Variants in LRRC4C observed in about 807,000 individuals in gnomAD.
LRRC4C encodes the protein leucine-rich repeat-containing protein 4C.
LRRC4C carries 5 observed loss-of-function variants against 33.6 expected under a neutral mutation model. The ratio of observed to expected loss-of-function variants is 0.15; its 90% confidence interval spans 0.08 to 0.31. LRRC4C has a LOEUF of 0.31. LRRC4C is among the 10% of genes least tolerant of loss of function. The probability of loss-of-function intolerance (pLI) is 1.00; values close to 1 mark genes in which losing one functional copy is unlikely to be tolerated. For synonymous variants in LRRC4C, 329 were observed against 302.0 expected, an observed-to-expected ratio of 1.09 and a Z score of -0.93; for missense variants, 560 against 796.7, an observed-to-expected ratio of 0.70 and a Z score of 3.58.
intron 1 of LRRC4C, among the ~76,000 whole-genome samples, chr11:41,374,338 A>G (rs1952860935): frequency 6.6e-6 from 1 of 152,218 alleles, no homozygotes; most frequent in Non-Finnish European, 1.5e-5. Context: ...GTGAGGATAC[A>G]TTGATTTTAT....
chr11:41,454,409 G>A (rs1431367215), intron 1 of LRRC4C, among the ~76,000 whole-genome samples: 6 of 152,104 alleles, frequency 3.9e-5, no homozygotes, highest in Non-Finnish European at 1.5e-5. Flanking sequence ...AGGAATTGCA[G>A]CAAATAGCTA....
intron 2 of LRRC4C, among the ~76,000 whole-genome samples, chr11:40,722,607 C>T (rs961758340): frequency 1.3e-5 from 2 of 152,198 alleles, no homozygotes; most frequent in African/African-American, 4.8e-5. Context: ...AGAGCCCCTT[C>T]TGACTGACAA....
chr11:41,020,637 A>T (rs778631129), intron 1 of LRRC4C, among the ~76,000 whole-genome samples: 5 of 152,120 alleles, frequency 3.3e-5, no homozygotes, highest in African/African-American at 4.8e-5. Context: ...ACCCGCCAAC[A>T]CCGTAATTTC....
intron 2 of LRRC4C, among the ~76,000 whole-genome samples, chr11:40,760,962 C>T (rs1394321976): frequency 6.6e-6 from 1 of 150,396 alleles, no homozygotes; most frequent in African/African-American, 2.4e-5. Context: ...CCAAGCAATC[C>T]ACCCATCTTG....
intron 2 of LRRC4C, among the ~76,000 whole-genome samples, chr11:40,861,897 T>C (rs1437165966): frequency 6.6e-6 from 1 of 152,094 alleles, no homozygotes; most frequent in African/African-American, 2.4e-5. Context: ...TCAGCGTAAC[T>C]CATTACAATG....
intron 2 of LRRC4C, among the ~76,000 whole-genome samples, chr11:40,809,686 G>C (rs1187774912): frequency 6.6e-6 from 1 of 152,098 alleles, no homozygotes; most frequent in African/African-American, 2.4e-5. Context: ...TTGACATGTT[G>C]CACGTGCTCA....
At chr11:41,435,680 A>G (rs777134945) in intron 1 of LRRC4C, among the ~76,000 whole-genome samples, 1 of 152,138 alleles carries the variant, frequency 6.6e-6, no homozygotes, top group South Asian at 2.1e-4. Context: ...GTCAATAAAT[A>G]TTTTTCCATT....
chr11:41,389,679 G>A (rs376010444), intron 1 of LRRC4C, among the ~76,000 whole-genome samples: 16 of 89,940 alleles, frequency 1.8e-4, no homozygotes, highest in East Asian at 1.6e-3. Flanking sequence ...CTTGAAAAGA[G>A]GTGCTTCTAC....
chr11:40,830,261 A>G (rs1452763699), intron 2 of LRRC4C, among the ~76,000 whole-genome samples: 1 of 152,152 alleles, frequency 6.6e-6, no homozygotes, highest in Non-Finnish European at 1.5e-5. Context: ...GAGGCAGTTA[A>G]CTACAGTTCT....
chr11:40,844,830 GAGA>G (rs1201973741), intron 2 of LRRC4C, among the ~76,000 whole-genome samples: 3 of 152,144 alleles, frequency 2.0e-5, no homozygotes, highest in Admixed American at 2.0e-4. Context: ...ATTGCTAAGA[GAGA>G]AGATTTTAAG....
At chr11:41,104,196 CTT>C (rs1489041907) in intron 1 of LRRC4C, among the ~76,000 whole-genome samples, 1 of 151,802 alleles carries the variant, frequency 6.6e-6, no homozygotes, top group African/African-American at 2.4e-5. Context: ...TATATACAAA[CTT>C]ATATCCAATA....
At chr11:40,960,462 G>A (rs1850898827) in intron 1 of LRRC4C, among the ~76,000 whole-genome samples, 1 of 151,682 alleles carries the variant, frequency 6.6e-6, no homozygotes, top group South Asian at 2.1e-4. Context: ...TATGATTACT[G>A]TTTAACTCTA....
At chr11:40,472,105 G>T (rs1466816831) in intron 3 of LRRC4C, among the ~76,000 whole-genome samples, 1 of 145,732 alleles carries the variant, frequency 6.9e-6, no homozygotes, top group Non-Finnish European at 1.5e-5. Flanking sequence ...GTGAAACCCT[G>T]TCTCTACTAA....
At position 40,125,123 on chromosome 11, in the gene LRRC4C, C is replaced by T. The variant is rs556089515; in HGVS notation, c.-42-8789G>A. On this transcript the variant is annotated intron_variant, in intron 6 of 6. Coordinates refer to ENST00000528697, the MANE Select transcript of LRRC4C (RefSeq NM_001258419.2). The stretch of plus-strand genomic sequence containing the variant: ...TAAGCAAAGATTGATAGTACCATTC[C>T]TGCTTTCAGAGACTAATGAGGTCTG... Among the ~76,000 whole-genome samples, 3 of 152,232 alleles carry T rather than the reference C, an allele frequency of 2.0e-5. No homozygotes were observed. The East Asian group carries it at 5.8e-4, about 29-fold the overall frequency.
At chr11:40,991,101 G>A (rs1173199821) in intron 1 of LRRC4C, among the ~76,000 whole-genome samples, 8 of 145,694 alleles carry the variant, frequency 5.5e-5, no homozygotes, top group Admixed American at 4.1e-4. Context: ...AAAGAAAATG[G>A]ACATTATTTA....
chr11:41,274,144 C>T (rs963694766), intron 1 of LRRC4C, among the ~76,000 whole-genome samples: 5 of 151,826 alleles, frequency 3.3e-5, no homozygotes, highest in Non-Finnish European at 5.9e-5. Context: ...AAGTGAGAGG[C>T]AGAAAAGAGA....
intron 5 of LRRC4C, among the ~76,000 whole-genome samples, chr11:40,233,647 A>G (rs1865358178): frequency 6.6e-6 from 1 of 152,226 alleles, no homozygotes; most frequent in Admixed American, 6.5e-5. Context: ...TTCCTATATC[A>G]TAGTCTAGTA....
chr11:40,739,360 T>G (rs1209634285), intron 2 of LRRC4C, among the ~76,000 whole-genome samples: 5 of 151,936 alleles, frequency 3.3e-5, no homozygotes, highest in African/African-American at 1.2e-4. Flanking sequence ...TCCTTCAGAT[T>G]CATCCACATT....
In LRRC4C at chr11:40,385,567, T is replaced by C. The variant is rs1235124920; in HGVS notation, c.-269-65846A>G. Among the ~76,000 whole-genome samples the C allele has an allele frequency of 2.0e-5, 3 of 150,908 alleles. No homozygotes were observed. In the East Asian group the frequency reaches 5.9e-4, roughly 30 times the overall value. On this transcript the variant is annotated intron_variant, in intron 3 of 6. Coordinates refer to ENST00000528697, the MANE Select transcript of LRRC4C (RefSeq NM_001258419.2). ...GGGGAGGGTGGGATGGAGGTAAGAG[T>C]TGAAAAGCTACTTAGAGGCTGGGTG...
Sources: allele counts gnomAD v4.1 joint callset (sites outside exome capture counted in the v4.1 genomes callset), GRCh38; gene constraint gnomAD v4.1.1; transcripts MANE v1.5; gene names NCBI Gene and HGNC (gene_info 2026-07-23, HGNC 2026-07-21).